PRLR: variants seen among roughly 807,000 people sequenced by gnomAD.
PRLR encodes the protein hPRL receptor.
PRLR carries 13 observed loss-of-function variants against 40.2 expected under a neutral mutation model. The ratio of observed to expected loss-of-function variants is 0.32; its 90% CI spans 0.21 to 0.51. PRLR has a LOEUF of 0.51. Ranked by LOEUF, PRLR falls within the 20% of genes least tolerant of loss-of-function variation. PRLR has a pLI of 0.97. For synonymous variants in PRLR, 269 were observed against 278.7 expected, an observed-to-expected ratio of 0.97 and a Z score of 0.35; for missense variants, 656 against 747.3, an observed-to-expected ratio of 0.88 and a Z score of 1.42.
chr5:35,169,732 C>G (rs904318812), intron 1 of PRLR, among the ~76,000 whole-genome samples: 3 of 152,176 alleles, frequency 2.0e-5, no homozygotes, highest in South Asian at 2.1e-4. Flanking sequence ...GTTCCTTACC[C>G]TAGACTTTTT....
In PRLR at chr5:35,065,163, A is replaced by T; in HGVS notation, c.1795T>A (p.Ser599Thr). 6.2e-7 allele frequency: 1 copy of T among 1,614,204 alleles called. No homozygotes were observed. Among genetic ancestry groups the T allele is most frequent in the South Asian group, 1.1e-5 (1 of 91,088 alleles). Residue 599 changes from serine to threonine, a missense_variant, in exon 10 of 10, where the codon TCA becomes ACA. By Grantham distance (58) the Ser-to-Thr change is moderately conservative. This residue lies in a region of PRLR where 469 missense variants were observed against 491.5 expected (regional missense o/e 0.95). Transcript: ENST00000618457. ...EKALANFTAT[S>T]SKCRLQLGGL... Reference sequence around the variant, plus strand: ...CCCAGCTGGAGCCTGCACTTGCTTGATGTTGCAGTGAAGTTGGCCAGGGCT... The same window carrying T: ...CCCAGCTGGAGCCTGCACTTGCTTGTTGTTGCAGTGAAGTTGGCCAGGGCT...
At chr5:35,104,367 G>T (rs1055484293) in intron 2 of PRLR, among the ~76,000 whole-genome samples, 6 of 152,132 alleles carry the variant, frequency 3.9e-5, no homozygotes, top group Admixed American at 3.3e-4. Flanking sequence ...CATCTCACTG[G>T]GGCTTGTTGG....
chr5:35,076,736 G>A (rs567403262), intron 5 of PRLR, among the ~76,000 whole-genome samples: 46 of 152,200 alleles, frequency 3.0e-4, no homozygotes, highest in Admixed American at 1.0e-3. Context: ...TCCAAGACAC[G>A]TAATTGTCAG....
chr5:35,209,457 C>T (rs182747005), intron 1 of PRLR, among the ~76,000 whole-genome samples: 1 of 152,102 alleles, frequency 6.6e-6, no homozygotes, highest in African/African-American at 2.4e-5. Context: ...AAAAAAAAGC[C>T]TTCAAAGAAA....
intron 1 of PRLR, among the ~76,000 whole-genome samples, chr5:35,146,089 T>C (rs58497117): frequency 0.032 from 4,945 of 152,296 alleles, 299 homozygotes; most frequent in African/African-American, 0.11. Flanking sequence ...TCTACGATGA[T>C]GGCATTCTTA....
At chr5:35,169,667 A>T (rs559860731) in intron 1 of PRLR, among the ~76,000 whole-genome samples, 2 of 152,220 alleles carry the variant, frequency 1.3e-5, no homozygotes, top group Non-Finnish European at 2.9e-5. Context: ...ATATCATGGA[A>T]GATCTCCAAT....
At chr5:35,115,263 T>C (rs1173575436) in intron 2 of PRLR, among the ~76,000 whole-genome samples, 2 of 152,222 alleles carry the variant, frequency 1.3e-5, no homozygotes, top group Non-Finnish European at 2.9e-5. Context: ...TCCACTGCAA[T>C]CAAAATTAAT....
At chr5:35,188,704 A>C (rs1179949560) in intron 1 of PRLR, among the ~76,000 whole-genome samples, 1 of 152,236 alleles carries the variant, frequency 6.6e-6, no homozygotes, top group Non-Finnish European at 1.5e-5. Flanking sequence ...AAAAGATAGA[A>C]GATGTAAATT....
intron 9 of PRLR, among the ~76,000 whole-genome samples, chr5:35,067,864 G>A (rs1769476461): frequency 6.6e-6 from 1 of 152,080 alleles, no homozygotes; most frequent in South Asian, 2.1e-4. Context: ...ATGATTGAGG[G>A]GGTGGTGGTG....
intron 2 of PRLR, among the ~76,000 whole-genome samples, chr5:35,104,358 A>T (rs2111572722): frequency 6.6e-6 from 1 of 152,300 alleles, no homozygotes; most frequent in East Asian, 1.9e-4. Context: ...TACCGGGTTC[A>T]TCTCACTGGG....
At chr5:35,125,591 T>C (rs1358305963) in intron 1 of PRLR, among the ~76,000 whole-genome samples, 1 of 152,094 alleles carries the variant, frequency 6.6e-6, no homozygotes, top group East Asian at 1.9e-4. Context: ...CCATAAGGGG[T>C]TTTCTGTAAA....
intron 1 of PRLR, among the ~76,000 whole-genome samples, chr5:35,144,214 A>G (rs1418144454): frequency 1.3e-5 from 2 of 151,744 alleles, no homozygotes; most frequent in African/African-American, 4.8e-5. Context: ...CTTAAGATTT[A>G]GCATACTGCT....
At chr5:35,181,247 G>T (rs1438691308) in intron 1 of PRLR, among the ~76,000 whole-genome samples, 1 of 152,114 alleles carries the variant, frequency 6.6e-6, no homozygotes, top group Non-Finnish European at 1.5e-5. Context: ...CTCATTAGGG[G>T]TTAAAACTTA....
chr5:35,199,797 T>C (rs898099676), intron 1 of PRLR, among the ~76,000 whole-genome samples: 3 of 152,202 alleles, frequency 2.0e-5, no homozygotes, highest in Non-Finnish European at 4.4e-5. Flanking sequence ...TTATCCTCCA[T>C]AGATTCCAAA....
intron 1 of PRLR, among the ~76,000 whole-genome samples, chr5:35,152,188 C>T (rs569145544): frequency 2.6e-5 from 4 of 152,230 alleles, no homozygotes; most frequent in South Asian, 2.1e-4. Flanking sequence ...GTCTCATTCA[C>T]GTATGTAAGC....
chr5:35,064,853 C>A lies in PRLR; in HGVS notation c.*236G>T, dbSNP rs1579558160. The A allele has an allele frequency of 1.9e-6, 1 of 523,784 alleles. No homozygotes were observed. The highest frequency in any genetic ancestry group is 3.3e-6 in the Non-Finnish European group (1 of 299,168). The allele number at this position is 523,784 out of a possible 1,614,324, so 32.4% of individuals were successfully genotyped here. ...AGCAGTGTGCTTTTATTTCATTGAA[C>A]ACATAGTTTTATAACTAACAGCAAA... On this transcript the variant is annotated 3_prime_UTR_variant, in exon 10 of 10. Coordinates refer to ENST00000618457, the MANE Select transcript of PRLR (RefSeq NM_000949.7).
At chr5:35,200,934 A>G (rs7718468) in intron 1 of PRLR, among the ~76,000 whole-genome samples, 41,856 of 152,094 alleles carry the variant, frequency 0.28, 6,992 homozygotes, top group South Asian at 0.39. Context: ...CAGATTGTTC[A>G]TCCTTCTTGC....
intron 1 of PRLR, among the ~76,000 whole-genome samples, chr5:35,165,704 T>C (rs1264373225): frequency 1.3e-5 from 2 of 152,214 alleles, no homozygotes; most frequent in African/African-American, 4.8e-5. Context: ...AAGAGGCTAA[T>C]TCTTATGGAA....
At chr5:35,198,116 G>A (rs1775785537) in intron 1 of PRLR, among the ~76,000 whole-genome samples, 2 of 152,284 alleles carry the variant, frequency 1.3e-5, no homozygotes, top group South Asian at 2.1e-4. Flanking sequence ...GGGCAGCTCC[G>A]TTCTACTTCA....
Sources: allele counts gnomAD v4.1 joint callset (sites outside exome capture counted in the v4.1 genomes callset), GRCh38; gene constraint gnomAD v4.1.1; regional missense constraint gnomAD v4.1.1; transcripts MANE v1.5; gene names NCBI Gene and HGNC (gene_info 2026-07-23, HGNC 2026-07-21).